The following CMPK2 variants were observed in gnomAD, a reference collection of about 807,000 sequenced individuals.
CMPK2 encodes cytidine/uridine monophosphate kinase 2, also known as UMP-CMP kinase 2, mitochondrial.
In CMPK2, 32 loss-of-function variants were observed where a neutral mutation model predicts 33.4. That is an observed-to-expected ratio of 0.96 (90% CI 0.72 to 1.29). The LOEUF is 1.29. CMPK2 is among the 50% of genes most tolerant of loss of function. The pLI, the probability that CMPK2 is intolerant of heterozygous loss-of-function variation, is 0.00. For missense variants in CMPK2, 672 were observed against 616.0 expected (o/e 1.09, Z -0.96); for synonymous variants, 299 against 275.3 (o/e 1.09, Z -0.85).
At chr2:6,859,331 T>C (rs1387319095) in intron 3 of CMPK2, among the ~76,000 whole-genome samples, 1 of 152,184 alleles carries the variant, frequency 6.6e-6, no homozygotes, top group Non-Finnish European at 1.5e-5. Context: ...CTGCAGAAGT[T>C]TGCATAAGCA....
chr2:6,852,262 A>T (rs1334295864), intron 3 of CMPK2, among the ~76,000 whole-genome samples: 1 of 152,206 alleles, frequency 6.6e-6, no homozygotes, highest in Non-Finnish European at 1.5e-5. Flanking sequence ...CTCCCTAAGC[A>T]AGTCAGTCGC....
rs1432482683 is a variant in CMPK2, at chr2:6,849,921, C to T, written c.1279G>A (p.Ala427Thr). The change falls in exon 5 of 5, where the codon GCC (alanine) becomes ACC (threonine). Residue 427 changes from alanine (A) to threonine (T), a missense_variant. Coordinates refer to ENST00000256722, the MANE Select transcript of CMPK2 (RefSeq NM_207315.4). Reference sequence around the variant, plus strand: ...AGGACCTTTTCTCTGGAGGGGCTGGCATCAACCACATGGCAGCCAGGATTC... The same window carrying T: ...AGGACCTTTTCTCTGGAGGGGCTGGTATCAACCACATGGCAGCCAGGATTC... ...MENPGCHVVD[A>T]SPSREKVLQT... is the part of the protein sequence containing the mutation. 2 of 1,614,032 alleles carry T rather than the reference C, an allele frequency of 1.2e-6. No homozygotes were observed. The highest frequency in any genetic ancestry group is 1.3e-5 in the African/African-American group (1 of 74,930).
At chr2:6,855,601 C>T (rs1259065221) in intron 3 of CMPK2, among the ~76,000 whole-genome samples, 1 of 152,148 alleles carries the variant, frequency 6.6e-6, no homozygotes, top group Non-Finnish European at 1.5e-5. Context: ...AAAGCCTTCC[C>T]ATAAAGGAAC....
downstream of CMPK2, among the ~76,000 whole-genome samples, chr2:6,847,291 G>C (rs752112701): frequency 2.0e-5 from 3 of 152,164 alleles, no homozygotes; most frequent in Non-Finnish European, 4.4e-5. Context: ...AACTGGCAAG[G>C]AAAGTGCCCA....
At chr2:6,844,886 G>T (rs1019232677), downstream of CMPK2, among the ~76,000 whole-genome samples, 2 of 152,188 alleles carry the variant, frequency 1.3e-5, no homozygotes, top group Non-Finnish European at 2.9e-5. Flanking sequence ...CCTGTCCAAA[G>T]TTGGGAATTC....
At position 6,861,537 on chromosome 2, in the gene CMPK2, T is replaced by G. The variant is rs1292959644; in HGVS notation, c.791-152A>C. On this transcript the variant is annotated intron_variant, in intron 2 of 4. Coordinates refer to ENST00000256722, the MANE Select transcript of CMPK2 (RefSeq NM_207315.4). ...TAAAAAGCTGTAGACCCATAGGAAG[T>G]TAGGATTTCTCCGTGTGGTATTAGG... The G allele has an allele frequency of 6.1e-6, 4 of 658,942 alleles. No homozygotes were observed. In the African/African-American group the frequency reaches 7.3e-5, roughly 12 times the overall value. The allele number at this position is 658,942 out of a possible 1,614,324, so 40.8% of individuals were successfully genotyped here.
chr2:6,858,908 G>C (rs962680486), intron 3 of CMPK2, among the ~76,000 whole-genome samples: 1 of 152,222 alleles, frequency 6.6e-6, no homozygotes, highest in East Asian at 1.9e-4. Context: ...GGAGGGCTTA[G>C]AAGAAGACAG....
chr2:6,843,217 A>G (rs2595165), intron 3 of CMPK2, among the ~76,000 whole-genome samples: 109,345 of 152,064 alleles, frequency 0.72, 40,171 homozygotes, highest in East Asian at 0.89. Flanking sequence ...AGCATGCAGA[A>G]AAAGACTTCC....
At chr2:6,863,628 G>A (rs535432858) in intron 1 of CMPK2, 50 bp from the exon 2 acceptor site, 1 of 1,355,080 alleles carries the variant, frequency 7.4e-7, no homozygotes, top group East Asian at 2.3e-5. Context: ...GGCTTTTGCA[G>A]AAATCACACC....
Position 6,848,671 on chromosome 2 carries a change from G to T in CMPK2, c.*1179C>A. The T allele has an allele frequency of 1.0e-6, 1 of 980,514 alleles. No homozygotes were observed. Among genetic ancestry groups the T allele is most frequent in the Non-Finnish European group, 1.2e-6 (1 of 825,172 alleles). The allele number at this position is 980,514 out of a possible 1,614,324, so 60.7% of individuals were successfully genotyped here. A position where few individuals can be genotyped will look rare whatever the true frequency, so the allele number is the denominator to read the frequency against. ...TGGAGTAATGTCTTCTTAAGAAATGGTAGATAGGATAAAATAATTTACAGA... is the reference window on the plus strand; with the variant it reads ...TGGAGTAATGTCTTCTTAAGAAATGTTAGATAGGATAAAATAATTTACAGA... On this transcript the variant is annotated 3_prime_UTR_variant, in exon 5 of 5. Coordinates refer to ENST00000256722, the MANE Select transcript of CMPK2 (RefSeq NM_207315.4).
downstream of CMPK2, among the ~76,000 whole-genome samples, chr2:6,845,477 C>G (rs368658908): frequency 6.6e-6 from 1 of 152,058 alleles, no homozygotes; most frequent in South Asian, 2.1e-4. Flanking sequence ...TTCCTTCTCT[C>G]CTCTGGGTCC....
chr2:6,844,291 G>T (rs555949255), downstream of CMPK2, among the ~76,000 whole-genome samples: 2 of 152,140 alleles, frequency 1.3e-5, no homozygotes, highest in Non-Finnish European at 2.9e-5. Flanking sequence ...CTTTCAAGAG[G>T]TTCTCTAGAG....
At chr2:6,847,196 A>G (rs1332133979), downstream of CMPK2, among the ~76,000 whole-genome samples, 1 of 152,134 alleles carries the variant, frequency 6.6e-6, no homozygotes, top group South Asian at 2.1e-4. Flanking sequence ...CCCAGGACCA[A>G]TCAGAAAGCC....
intron 2 of CMPK2, among the ~76,000 whole-genome samples, chr2:6,862,837 G>A (rs778877582): frequency 2.0e-5 from 3 of 152,160 alleles, no homozygotes; most frequent in African/African-American, 4.8e-5. Flanking sequence ...AAACTCCTAC[G>A]CTGAACCACT....
chr2:6,861,126 A>ACACC (rs1244120349), intron 3 of CMPK2, 58 bp downstream of exon 3: 12 of 23,612 alleles, frequency 5.1e-4, no homozygotes, highest in Admixed American at 7.0e-4. Flanking sequence ...ACACACACAC[A>ACACC]CCCACACACT....
At position 6,865,299 on chromosome 2, in the gene CMPK2, A is replaced by G; in HGVS notation, c.398T>C (p.Leu133Pro). 2 of 1,525,368 alleles carry G rather than the reference A, an allele frequency of 1.3e-6. No individual in the cohort carries two copies. The highest frequency in any genetic ancestry group is 1.7e-6 in the Non-Finnish European group (2 of 1,144,460). 94.5% of individuals were successfully genotyped at this position (1,525,368 alleles called of 1,614,324 possible). Residue 133 changes from leucine to proline, a missense_variant, in exon 1 of 5, where the codon CTG becomes CCG. Transcript: ENST00000256722. ...GTCAGGGTCATCCAGGGGGTCGCGC[A>G]GCAGGAAGCCTTGCTGTGCGCCGCC... is the stretch of plus-strand genomic sequence containing the variant. ...QAGGAQQGFL[L>P]RDPLDDPDTR...
At chr2:6,845,309 G>A (rs932268211), downstream of CMPK2, among the ~76,000 whole-genome samples, 1 of 152,144 alleles carries the variant, frequency 6.6e-6, no homozygotes, top group South Asian at 2.1e-4. Flanking sequence ...CATCAAAGGA[G>A]TTCCAGTGAT....
At chr2:6,842,076 G>T (rs1271755385) in intron 3 of CMPK2, among the ~76,000 whole-genome samples, 1 of 152,166 alleles carries the variant, frequency 6.6e-6, no homozygotes, top group Non-Finnish European at 1.5e-5. Context: ...GTCATCCAGG[G>T]TGACTATTGC....
At chr2:6,862,049 G>A (rs1181675733) in intron 2 of CMPK2, 2 of 152,390 alleles carry the variant, frequency 1.3e-5, no homozygotes, top group Admixed American at 6.5e-5. Flanking sequence ...GCTCAGGACA[G>A]GTGGTGATGA....
Sources: gnomAD v4.1 joint callset for allele counts (sites outside exome capture counted in the v4.1 genomes callset) on GRCh38, gnomAD v4.1.1 for gene constraint, MANE v1.5 for transcripts, NCBI Gene and HGNC (gene_info 2026-07-23, HGNC 2026-07-21) for gene names.